The following KCNJ14 variants were observed in gnomAD, a reference collection of about 807,000 sequenced individuals.
KCNJ14 encodes potassium inwardly rectifying channel subfamily J member 14.
KCNJ14 carries 18 observed loss-of-function variants against 24.5 expected under a neutral mutation model. That is an observed-to-expected ratio of 0.74 (90% CI 0.51 to 1.09). The LOEUF is 1.09. Among genes scored for constraint, KCNJ14 ranks in the 50% least tolerant of loss-of-function variants. The pLI, the probability that KCNJ14 is intolerant of heterozygous loss-of-function variation, is 0.00. For synonymous variants in KCNJ14, 288 were observed against 270.8 expected, an observed-to-expected ratio of 1.06 and a Z score of -0.63; for missense variants, 633 against 623.0, an observed-to-expected ratio of 1.02 and a Z score of -0.17.
chr19:48,459,572 T>G (rs1448191064), intron 1 of KCNJ14, among the ~76,000 whole-genome samples: 1 of 152,102 alleles, frequency 6.6e-6, no homozygotes, highest in Middle Eastern at 3.2e-3. Flanking sequence ...TTTTTTAATT[T>G]TTTTGTAGAG....
rs1601013673 is a variant in KCNJ14 at position 48,464,816 on chromosome 19, C to T, written c.*39C>T. The T allele has an allele frequency of 6.9e-7, 1 of 1,452,686 alleles. No homozygotes were observed. The highest frequency in any genetic ancestry group is 9.5e-7 in the Non-Finnish European group (1 of 1,053,452). 90.0% of individuals were successfully genotyped at this position (1,452,686 alleles called of 1,614,324 possible). A position where few individuals can be genotyped will look rare whatever the true frequency, so the allele number is the denominator to read the frequency against. On this transcript the variant is annotated 3_prime_UTR_variant, in exon 3 of 3. Transcript: ENST00000342291. Reference sequence around the variant, plus strand: ...CCCCTTCCCCGTGTATGCCCCCTTCCCCAAGGTAGCAAGATGGAGGGATGG... The same window carrying T: ...CCCCTTCCCCGTGTATGCCCCCTTCTCCAAGGTAGCAAGATGGAGGGATGG...
chr19:48,464,133 C>CTTCTTTCTCTGCATCTCTT, intron 2 of KCNJ14, 48 bp from the exon 3 acceptor site: 2 of 1,308,648 alleles, frequency 1.5e-6, no homozygotes, highest in Non-Finnish European at 2.2e-6. Flanking sequence ...TCGTCTCTGC[C>CTTCTTTCTCTGCATCTCTT]CGTCTCTGTG....
Position 48,466,221 on chromosome 19 carries a change from AGGCATGAGCCACTATGCCT to A in KCNJ14, c.*1448_*1466del, listed in dbSNP as rs1971653797. Reference sequence around the variant, plus strand: ...CAGTCTCCTGAGTCGCTGGGATTACAGGCATGAGCCACTATGCCTGGCTAATTTTTGTATTTTTAGTAGA... The same window carrying A: ...CAGTCTCCTGAGTCGCTGGGATTACAGGCTAATTTTTGTATTTTTAGTAGA... On this transcript the variant is annotated 3_prime_UTR_variant, in exon 3 of 3. Coordinates refer to ENST00000342291, the MANE Select transcript of KCNJ14 (RefSeq NM_013348.4). 1 of 151,728 alleles carries A rather than the reference AGGCATGAGCCACTATGCCT, an allele frequency of 6.6e-6. No homozygotes were observed. Among genetic ancestry groups the A allele is most frequent in the Admixed American group, 6.6e-5 (1 of 15,228 alleles). The allele number at this position is 151,728 out of a possible 1,614,324, so 9.4% of individuals were successfully genotyped here. A position where few individuals can be genotyped will look rare whatever the true frequency, so the allele number is the denominator to read the frequency against.
In KCNJ14 at chr19:48,462,898, G is replaced by A. The variant is rs1971616906; in HGVS notation, c.714+460G>A. 6.6e-6 allele frequency among the ~76,000 whole-genome samples: 1 copy of A among 152,162 alleles called. No individual in the cohort carries two copies. Among genetic ancestry groups the A allele is most frequent in the South Asian group, 2.1e-4 (1 of 4,824 alleles). On this transcript the variant is annotated intron_variant, in intron 2 of 2. Transcript: ENST00000342291. The surrounding 1 kb of genome is among the most constrained non-coding windows in gnomAD (Gnocchi z 4.9). ...CACTGTGGCACAGTCGGAGGCCTGT[G>A]ACTTGAGGCCCCCGGGAGAAGCAGG...
Position 48,461,998 on chromosome 19 carries a change from C to CTCT in KCNJ14, c.278_280dup (p.Phe93dup). 1 of 1,613,102 alleles carries CTCT rather than the reference C, an allele frequency of 6.2e-7. No individual in the cohort carries two copies. Among genetic ancestry groups the CTCT allele is most frequent in the Non-Finnish European group, 8.5e-7 (1 of 1,179,730 alleles). ...CGTGCGCTGGCGCTGGATGTGCCTG[C>CTCT]TCTTCTCCTGCTCCTTCCTCGCCTC... is the stretch of plus-strand genomic sequence containing the variant. On this transcript the variant is annotated inframe_insertion, in exon 2 of 3. Coordinates refer to ENST00000342291, the MANE Select transcript of KCNJ14 (RefSeq NM_013348.4).
At position 48,462,169 on chromosome 19, in the gene KCNJ14, G is replaced by T; in HGVS notation, c.445G>T (p.Gly149Cys). ...CGCGCTGGAGACGCAGACGTCCATC[G>T]GCTACGGCGTGCGCAGCGTCACCGA... ...LFALETQTSI[G>C]YGVRSVTEEC... Residue 149 changes from glycine to cysteine, a missense_variant, in exon 2 of 3, where the codon GGC becomes TGC. Physicochemically the swap from Gly to Cys is radical, Grantham distance 159 (BLOSUM62 -3). Coordinates refer to ENST00000342291, the MANE Select transcript of KCNJ14 (RefSeq NM_013348.4). The surrounding 1 kb of genome is among the most constrained non-coding windows in gnomAD (Gnocchi z 4.9). The T allele has an allele frequency of 6.4e-7, 1 of 1,573,382 alleles. No homozygotes were observed. The highest frequency in any genetic ancestry group is 8.6e-7 in the Non-Finnish European group (1 of 1,160,316).
Position 48,465,089 on chromosome 19 carries a change from T to C in KCNJ14, c.*312T>C. On this transcript the variant is annotated 3_prime_UTR_variant, in exon 3 of 3. Transcript: ENST00000342291. Reference sequence around the variant, plus strand: ...TTCCTCTATATGGGGAGACCTGGATTGTTGACCAGGGTGAGAAGCCAATGG... The same window carrying C: ...TTCCTCTATATGGGGAGACCTGGATCGTTGACCAGGGTGAGAAGCCAATGG... The C allele has an allele frequency of 3.0e-6, 1 of 336,104 alleles. No individual in the cohort carries two copies. The highest frequency in any genetic ancestry group is 5.5e-5 in the South Asian group (1 of 18,342). The allele number at this position is 336,104 out of a possible 1,614,324, so 20.8% of individuals were successfully genotyped here.
At chr19:48,459,341 G>A (rs1030940515) in intron 1 of KCNJ14, among the ~76,000 whole-genome samples, 3 of 151,934 alleles carry the variant, frequency 2.0e-5, no homozygotes, top group Non-Finnish European at 2.9e-5. Context: ...TCCTCATCAG[G>A]TATATGATTT....
chr19:48,464,841 G>C lies in KCNJ14; in HGVS notation c.*64G>C. 2 of 1,228,498 alleles carry C rather than the reference G, an allele frequency of 1.6e-6. No individual in the cohort carries two copies. Among genetic ancestry groups the C allele is most frequent in the South Asian group, 2.6e-5 (2 of 77,582 alleles). The allele number at this position is 1,228,498 out of a possible 1,614,324, so 76.1% of individuals were successfully genotyped here. A position where few individuals can be genotyped will look rare whatever the true frequency, so the allele number is the denominator to read the frequency against. ...CCCAAGGTAGCAAGATGGAGGGATG[G>C]GGCTCTCTCCTGGGATGGGGGCAGG... On this transcript the variant is annotated 3_prime_UTR_variant, in exon 3 of 3. Transcript: ENST00000342291.
rs146272285 is a variant in KCNJ14 at position 48,464,675 on chromosome 19, T to C, written c.1209T>C (p.Asp403=). 9,987 of 1,613,910 alleles carry C rather than the reference T, an allele frequency of 6.2e-3. 49 individuals are homozygous for C. Among genetic ancestry groups the C allele is most frequent in the Non-Finnish European group, 7.7e-3 (9,071 of 1,180,000 alleles). Residue 403 remains aspartate (D), a synonymous_variant, in exon 3 of 3, where the codon GAT becomes GAC. Coordinates refer to ENST00000342291, the MANE Select transcript of KCNJ14 (RefSeq NM_013348.4). The stretch of plus-strand genomic sequence containing the variant: ...CTCTGAGCTGCTGCCAGGAGGAAGA[T>C]GAGGACGATGAGACTGAGGAAGGGA... The part of the protein sequence containing the change: ...ELALSCCQEE[D]EDDETEEGNG...
At chr19:48,461,426 G>A (rs1438667445) in intron 1 of KCNJ14, 1 of 286,134 alleles carries the variant, frequency 3.5e-6, no homozygotes, top group Non-Finnish European at 6.4e-6. Context: ...TACTCAGGAG[G>A]TTGAGACAGG....
rs1161581959 is a variant in KCNJ14, at chr19:48,465,510, G to C, written c.*733G>C. ...CATTGTTAGTCTGTGGGTTTAGAAA[G>C]ACTGAAGTGACAGATTAAGAGTTCT... On this transcript the variant is annotated 3_prime_UTR_variant, in exon 3 of 3. Transcript: ENST00000342291. 1 of 152,364 alleles carries C rather than the reference G, an allele frequency of 6.6e-6. No individual in the cohort carries two copies. The highest frequency in any genetic ancestry group is 1.5e-5 in the Non-Finnish European group (1 of 68,044). The allele number at this position is 152,364 out of a possible 1,614,324, so 9.4% of individuals were successfully genotyped here.
intron 1 of KCNJ14, among the ~76,000 whole-genome samples, chr19:48,459,942 C>T (rs1355459740): frequency 1.3e-5 from 2 of 151,572 alleles, no homozygotes; most frequent in Non-Finnish European, 2.9e-5. Flanking sequence ...GGCAGGAGAA[C>T]CCAGGAGACA....
chr19:48,461,327 T>C, intron 1 of KCNJ14: 1 of 146,660 alleles, frequency 6.8e-6, no homozygotes, highest in Non-Finnish European at 1.4e-5. Flanking sequence ...AAAGCACGAC[T>C]CCGTCTCAAA....
intron 1 of KCNJ14, among the ~76,000 whole-genome samples, chr19:48,458,966 G>A (rs1337673051): frequency 2.0e-5 from 3 of 149,356 alleles, no homozygotes; most frequent in Non-Finnish European, 3.0e-5. Context: ...AAAAGCCGGG[G>A]GTGGTGGCTC....
chr19:48,458,387 T>G (rs1971559065), intron 1 of KCNJ14, among the ~76,000 whole-genome samples: 1 of 152,242 alleles, frequency 6.6e-6, no homozygotes, highest in African/African-American at 2.4e-5. Context: ...GGGTGCAAAA[T>G]GGTATTCCTT....
chr19:48,465,508 A>T lies in KCNJ14; in HGVS notation c.*731A>T, dbSNP rs1347546621. The T allele has an allele frequency of 6.6e-6, 1 of 152,366 alleles. No individual in the cohort carries two copies. The highest frequency in any genetic ancestry group is 1.5e-5 in the Non-Finnish European group (1 of 68,054). The allele number at this position is 152,366 out of a possible 1,614,324, so 9.4% of individuals were successfully genotyped here. A position where few individuals can be genotyped will look rare whatever the true frequency, so the allele number is the denominator to read the frequency against. On this transcript the variant is annotated 3_prime_UTR_variant, in exon 3 of 3. Transcript: ENST00000342291. ...AACATTGTTAGTCTGTGGGTTTAGAAAGACTGAAGTGACAGATTAAGAGTT... is the reference window on the plus strand; with the variant it reads ...AACATTGTTAGTCTGTGGGTTTAGATAGACTGAAGTGACAGATTAAGAGTT...
Position 48,464,891 on chromosome 19 carries a change from CTGGGTAAATGACTAGGTGGT to C in KCNJ14, c.*115_*134del. 6.4e-6 allele frequency: 5 copies of C among 783,368 alleles called. No homozygotes were observed. The highest frequency in any genetic ancestry group is 8.4e-6 in the Non-Finnish European group (4 of 473,598). The allele number at this position is 783,368 out of a possible 1,614,324, so 48.5% of individuals were successfully genotyped here. On this transcript the variant is annotated 3_prime_UTR_variant, in exon 3 of 3. Transcript: ENST00000342291. ...GTGTTCCTGAATACCGACAGGCCTG[CTGGGTAAATGACTAGGTGGT>C]AAGGTTCTGCCATGCCTGGTGACCC...
chr19:48,462,412 G>T lies in KCNJ14; in HGVS notation c.688G>T (p.Ala230Ser). Reference protein sequence around the residue: ...GNLRRSHLVEAHVRAQLLQPR... With the variant: ...GNLRRSHLVESHVRAQLLQPR... ...CCTGCGCCGCAGCCACCTGGTCGAG[G>T]CCCACGTGCGTGCCCAGCTGCTGCA... is the stretch of plus-strand genomic sequence containing the variant. Residue 230 changes from alanine (A) to serine (S), a missense_variant, in exon 2 of 3, where the codon GCC (alanine) becomes TCC (serine). Transcript: ENST00000342291. The surrounding 1 kb of genome is among the most constrained non-coding windows in gnomAD (Gnocchi z 4.9). 6.7e-7 allele frequency: 1 copy of T among 1,498,380 alleles called. No individual in the cohort carries two copies. The allele number at this position is 1,498,380 out of a possible 1,614,324, so 92.8% of individuals were successfully genotyped here. A position where few individuals can be genotyped will look rare whatever the true frequency, so the allele number is the denominator to read the frequency against.
Sources: gnomAD v4.1 joint callset for allele counts (sites outside exome capture counted in the v4.1 genomes callset) on GRCh38, gnomAD v4.1.1 for gene constraint, Gnocchi (gnomAD v3.1) non-coding constraint, MANE v1.5 for transcripts, NCBI Gene and HGNC (gene_info 2026-07-23, HGNC 2026-07-21) for gene names.